GPM6A: variants seen among roughly 807,000 people sequenced by gnomAD.
The protein encoded by GPM6A is glycoprotein M6A.
A neutral mutation model predicts 32.1 loss-of-function variants in GPM6A; 7 were observed. The ratio of observed to expected loss-of-function variants is 0.22; its 90% CI spans 0.12 to 0.41. GPM6A has a LOEUF of 0.41. Among genes scored for constraint, GPM6A ranks in the 10% least tolerant of loss-of-function variants. The probability of loss-of-function intolerance (pLI) is 1.00; values close to 1 mark genes in which losing one functional copy is unlikely to be tolerated. For missense variants in GPM6A, 235 were observed against 347.2 expected, an observed-to-expected ratio of 0.68 and a Z score of 2.57; for synonymous variants, 130 against 123.4, an observed-to-expected ratio of 1.05 and a Z score of -0.35.
intron 1 of GPM6A, among the ~76,000 whole-genome samples, chr4:175,805,147 A>T (rs1361924815): frequency 6.6e-6 from 1 of 152,122 alleles, no homozygotes. Context: ...CAAAAAAAAA[A>T]GCTGTCAAGT....
At chr4:175,997,762 C>CTT (rs1437389821) in intron 1 of GPM6A, among the ~76,000 whole-genome samples, 3 of 152,232 alleles carry the variant, frequency 2.0e-5, no homozygotes, top group African/African-American at 7.2e-5. Flanking sequence ...GATACTTAAC[C>CTT]AACTCCATTG....
chr4:175,636,647 G>A (rs114086177), intron 6 of GPM6A, among the ~76,000 whole-genome samples: 6,237 of 150,324 alleles, frequency 0.041, 164 homozygotes, highest in Admixed American at 0.073. Context: ...AGTACAAAAC[G>A]TAGCTGGGTG....
At chr4:175,984,140 C>A (rs1740898041) in intron 1 of GPM6A, among the ~76,000 whole-genome samples, 1 of 151,780 alleles carries the variant, frequency 6.6e-6, no homozygotes, top group African/African-American at 2.4e-5. Context: ...TTATATTGTT[C>A]TATTATTGTT....
chr4:175,845,661 T>C (rs1736065774), intron 1 of GPM6A, among the ~76,000 whole-genome samples: 1 of 152,096 alleles, frequency 6.6e-6, no homozygotes, highest in African/African-American at 2.4e-5. Context: ...AAATTTCTCT[T>C]CTTGAAATTT....
At chr4:175,977,301 G>A (rs1217161941) in intron 1 of GPM6A, among the ~76,000 whole-genome samples, 1 of 152,120 alleles carries the variant, frequency 6.6e-6, no homozygotes. Flanking sequence ...GGATAAAACA[G>A]TCATGTACGC....
intron 1 of GPM6A, among the ~76,000 whole-genome samples, chr4:175,798,320 C>T (rs537491707): frequency 6.3e-4 from 96 of 152,096 alleles, no homozygotes; most frequent in Non-Finnish European, 1.3e-3. Context: ...TTAAACTTGA[C>T]GTTAAGATTA....
chr4:175,782,248 CTG>C (rs1405822299), intron 1 of GPM6A, among the ~76,000 whole-genome samples: 1 of 152,126 alleles, frequency 6.6e-6, no homozygotes, highest in East Asian at 1.9e-4. Context: ...GAGAATATCT[CTG>C]TGTTTCTCAA....
intron 1 of GPM6A, among the ~76,000 whole-genome samples, chr4:175,863,754 T>C (rs2111425107): frequency 6.6e-6 from 1 of 152,282 alleles, no homozygotes; most frequent in East Asian, 1.9e-4. Context: ...GTAATCCCAA[T>C]ACTTTGGGAT....
chr4:175,741,588 T>G (rs1731889440), intron 1 of GPM6A, among the ~76,000 whole-genome samples: 1 of 152,072 alleles, frequency 6.6e-6, no homozygotes, highest in African/African-American at 2.4e-5. Context: ...TCCTTAAAAT[T>G]TACCAAATAA....
At chr4:175,928,920 T>G (rs1157143695) in intron 1 of GPM6A, among the ~76,000 whole-genome samples, 1 of 152,220 alleles carries the variant, frequency 6.6e-6, no homozygotes, top group Admixed American at 6.5e-5. Flanking sequence ...CTTGATTAAT[T>G]TGCATGGATA....
At chr4:175,956,316 A>G (rs527913820) in intron 1 of GPM6A, among the ~76,000 whole-genome samples, 102 of 152,334 alleles carry the variant, frequency 6.7e-4, no homozygotes, top group African/African-American at 2.2e-3. Context: ...TGAGCCATCA[A>G]TAAATAAAAT....
intron 1 of GPM6A, among the ~76,000 whole-genome samples, chr4:175,795,497 C>G (rs1375389851): frequency 6.6e-6 from 1 of 152,080 alleles, no homozygotes; most frequent in East Asian, 1.9e-4. Context: ...TGCCTATAAT[C>G]TCAACATTTT....
intron 1 of GPM6A, among the ~76,000 whole-genome samples, chr4:175,747,066 T>C (rs1732133334): frequency 6.6e-6 from 1 of 150,932 alleles, no homozygotes; most frequent in African/African-American, 2.4e-5. Flanking sequence ...GGTCAGGAGG[T>C]CGAGACCATC....
Position 175,640,143 on chromosome 4 carries a change from C to T in GPM6A, c.670G>A (p.Ala224Thr), listed in dbSNP as rs779245975. The change falls in exon 6 of 7, where the codon GCA becomes ACA. Residue 224 changes from alanine to threonine, a missense_variant. Ala to Thr is a moderately conservative substitution (Grantham distance 58). Around this residue, in one of 3 missense-constraint regions of GPM6A, gnomAD observed 107 missense variants for 116.7 expected, o/e 0.92. Transcript: ENST00000393658. Reference protein sequence around the residue: ...FIVALAGAGAAVIAMVHYLMV... With the variant: ...FIVALAGAGATVIAMVHYLMV... The stretch of plus-strand genomic sequence containing the variant: ...TGAGGTCTTACCATAGCAATGACTG[C>T]TGCCCCAGCTCCAGCAAGTGCCACA... The T allele has an allele frequency of 1.1e-5, 18 of 1,613,198 alleles. No homozygotes were observed. Among genetic ancestry groups the T allele is most frequent in the East Asian group, 2.2e-5 (1 of 44,860 alleles).
chr4:175,894,074 C>A (rs1212488789), intron 1 of GPM6A, among the ~76,000 whole-genome samples: 3 of 152,094 alleles, frequency 2.0e-5, no homozygotes, highest in Middle Eastern at 3.2e-3. Context: ...ACTCCTACTT[C>A]TGAGAATACT....
chr4:175,968,678 T>C (rs1740405158), intron 1 of GPM6A, among the ~76,000 whole-genome samples: 1 of 152,040 alleles, frequency 6.6e-6, no homozygotes, highest in Non-Finnish European at 1.5e-5. Context: ...TATGAAAAAA[T>C]ACTCCACATC....
At chr4:175,950,435 A>G (rs1051693807) in intron 1 of GPM6A, among the ~76,000 whole-genome samples, 12 of 152,240 alleles carry the variant, frequency 7.9e-5, no homozygotes, top group Non-Finnish European at 1.5e-4. Context: ...AAATGTGAAA[A>G]TAAGAATATA....
chr4:175,668,204 G>A (rs1353790199), intron 3 of GPM6A, among the ~76,000 whole-genome samples: 2 of 151,748 alleles, frequency 1.3e-5, no homozygotes, highest in Non-Finnish European at 2.9e-5. Flanking sequence ...TATCTCAACA[G>A]TTACACTGAG....
chr4:175,936,322 A>C (rs1270567431), intron 1 of GPM6A, among the ~76,000 whole-genome samples: 2 of 134,072 alleles, frequency 1.5e-5, no homozygotes, highest in African/African-American at 3.8e-5. Flanking sequence ...AAAAAAAAAA[A>C]AAAAAAAAAA....
Sources: allele counts gnomAD v4.1 joint callset (sites outside exome capture counted in the v4.1 genomes callset), GRCh38; gene constraint gnomAD v4.1.1; regional missense constraint gnomAD v4.1.1; transcripts MANE v1.5; gene names NCBI Gene and HGNC (gene_info 2026-07-23, HGNC 2026-07-21).